PTPRQ: variants seen among roughly 807,000 people sequenced by gnomAD.
The protein encoded by PTPRQ is phosphatidylinositol phosphatase PTPRQ.
PTPRQ carries 199 observed loss-of-function variants against 246.0 expected under a neutral mutation model. That is an observed-to-expected ratio of 0.81 (90% CI 0.72 to 0.91). The LOEUF is 0.91. Among genes scored for constraint, PTPRQ ranks in the 40% least tolerant of loss-of-function variants. The pLI is 0.00. For missense variants in PTPRQ, 2,624 were observed against 2,528.4 expected (o/e 1.04, Z -0.81); for synonymous variants, 869 against 853.2 (o/e 1.02, Z -0.32).
At chr12:80,449,804 T>A (rs1445797790) in intron 3 of PTPRQ, among the ~76,000 whole-genome samples, 3 of 152,182 alleles carry the variant, frequency 2.0e-5, no homozygotes, top group Non-Finnish European at 4.4e-5. Flanking sequence ...TAAAGTCAGG[T>A]AGTGTGATGC....
At chr12:80,600,468 A>G (rs1443042318) in intron 26 of PTPRQ, among the ~76,000 whole-genome samples, 1 of 151,802 alleles carries the variant, frequency 6.6e-6, no homozygotes, top group Non-Finnish European at 1.5e-5. Flanking sequence ...AGACCCGAAG[A>G]AGCCATTATA....
intron 38 of PTPRQ, among the ~76,000 whole-genome samples, chr12:80,655,484 A>T (rs1037252679): frequency 6.6e-6 from 1 of 152,112 alleles, no homozygotes; most frequent in Non-Finnish European, 1.5e-5. Flanking sequence ...GAGATAACAA[A>T]CCCAAATCTC....
intron 27 of PTPRQ, 96 bp downstream of exon 27, chr12:80,605,276 TAGAC>T: frequency 7.0e-7 from 1 of 1,420,228 alleles, no homozygotes; most frequent in Non-Finnish European, 9.3e-7. Context: ...TTGGCTCTGT[TAGAC>T]AGTAGGAAAA....
intron 24 of PTPRQ, among the ~76,000 whole-genome samples, chr12:80,547,626 T>C (rs1171993784): frequency 1.3e-5 from 2 of 152,202 alleles, no homozygotes; most frequent in African/African-American, 4.8e-5. Context: ...AGTCATTTTC[T>C]GGATTTGAAT....
intron 3 of PTPRQ, among the ~76,000 whole-genome samples, chr12:80,448,621 G>A (rs1417471284): frequency 2.0e-5 from 3 of 149,936 alleles, no homozygotes; most frequent in Middle Eastern, 3.2e-3. Flanking sequence ...GAGAATATGC[G>A]GTACTTGGTT....
At chr12:80,656,460 G>C (rs1203854295) in intron 38 of PTPRQ, among the ~76,000 whole-genome samples, 1 of 151,950 alleles carries the variant, frequency 6.6e-6, no homozygotes, top group African/African-American at 2.4e-5. Context: ...ACCCAATCCT[G>C]TTTACCCATT....
At position 80,457,582 on chromosome 12, in the gene PTPRQ, C is replaced by G; in HGVS notation, c.398C>G (p.Ala133Gly). Residue 133 changes from alanine to glycine, a missense_variant, in exon 4 of 45, where the codon GCT becomes GGT. Transcript: ENST00000644991. ...PGTTYEIKVA[A>G]ENSAGIGVFS... Reference sequence around the variant, plus strand: ...CCTTTTGGTCTGTTCTAGGTTGCTGCTGAAAACAGTGCTGGCATTGGAGTG... The same window carrying G: ...CCTTTTGGTCTGTTCTAGGTTGCTGGTGAAAACAGTGCTGGCATTGGAGTG... 1 of 400,220 alleles carries G rather than the reference C, an allele frequency of 2.5e-6. No homozygotes were observed. The highest frequency in any genetic ancestry group is 4.4e-6 in the Non-Finnish European group (1 of 225,900). The allele number at this position is 400,220 out of a possible 1,614,324, so 24.8% of individuals were successfully genotyped here.
chr12:80,588,013 C>A, intron 25 of PTPRQ, 116 bp from the exon 26 acceptor site: 1 of 1,069,530 alleles, frequency 9.3e-7, no homozygotes. Context: ...AATCTAAGAG[C>A]TATAGTAATT....
At chr12:80,653,057 G>C (rs1390745826) in intron 38 of PTPRQ, among the ~76,000 whole-genome samples, 3 of 152,030 alleles carry the variant, frequency 2.0e-5, no homozygotes, top group Non-Finnish European at 4.4e-5. Context: ...ACTTATGCAG[G>C]TGCAAGAAAC....
intron 38 of PTPRQ, among the ~76,000 whole-genome samples, chr12:80,656,520 T>C (rs1380413294): frequency 1.3e-5 from 2 of 152,118 alleles, no homozygotes; most frequent in African/African-American, 4.8e-5. Context: ...GTAGTGGATA[T>C]TTCATGTTTA....
intron 19 of PTPRQ, among the ~76,000 whole-genome samples, chr12:80,538,179 C>T (rs1896046041): frequency 6.6e-6 from 1 of 152,144 alleles, no homozygotes; most frequent in Non-Finnish European, 1.5e-5. Flanking sequence ...TAAATACCTT[C>T]TGACTATATT....
At chr12:80,505,317 A>T (rs745960247) in intron 14 of PTPRQ, among the ~76,000 whole-genome samples, 16 of 151,840 alleles carry the variant, frequency 1.1e-4, no homozygotes, top group Non-Finnish European at 1.9e-4. Context: ...TCTTTTCAGC[A>T]CCACAACTTC....
chr12:80,627,268 A>G (rs1412873566), intron 33 of PTPRQ, among the ~76,000 whole-genome samples: 1 of 151,302 alleles, frequency 6.6e-6, no homozygotes, highest in Non-Finnish European at 1.5e-5. Context: ...GTGTTTGAAT[A>G]CCCTAGGTGA....
Position 80,534,991 on chromosome 12 carries a change from A to C in PTPRQ, c.2939A>C (p.Gln980Pro), listed in dbSNP as rs866847083. The C allele has an allele frequency of 1.7e-5, 26 of 1,545,212 alleles. No individual in the cohort carries two copies. In the African/African-American group the frequency reaches 3.3e-4, roughly 20 times the overall value. The change falls in exon 19 of 45, where the codon CAA becomes CCA. Residue 980 changes from glutamine (Q) to proline (P), a missense_variant. Coordinates refer to ENST00000644991, the MANE Select transcript of PTPRQ (RefSeq NM_001145026.2). ...CCTTCAAAACCTAATGGGATTATACAATATTACTCTGTTTATTACAGAAAT... is the reference window on the plus strand; with the variant it reads ...CCTTCAAAACCTAATGGGATTATACCATATTACTCTGTTTATTACAGAAAT... ...TPPSKPNGII[Q>P]YYSVYYRNTS...
At chr12:80,629,314 A>C (rs754790358) in intron 33 of PTPRQ, among the ~76,000 whole-genome samples, 3 of 152,140 alleles carry the variant, frequency 2.0e-5, no homozygotes, top group African/African-American at 7.2e-5. Context: ...ATACAGCCAC[A>C]CTGGGGATTA....
At chr12:80,466,421 G>T (rs1253266692) in intron 6 of PTPRQ, among the ~76,000 whole-genome samples, 7 of 152,096 alleles carry the variant, frequency 4.6e-5, no homozygotes, top group African/African-American at 1.7e-4. Context: ...CATGAAAATG[G>T]CCACACTGCC....
intron 26 of PTPRQ, among the ~76,000 whole-genome samples, chr12:80,592,545 GT>G (rs1459229406): frequency 1.3e-5 from 2 of 152,000 alleles, no homozygotes; most frequent in Admixed American, 6.6e-5. Context: ...AATTATAACA[GT>G]TAAGTAACGG....
chr12:80,637,438 A>G (rs1899697980), intron 35 of PTPRQ, among the ~76,000 whole-genome samples: 1 of 152,256 alleles, frequency 6.6e-6, no homozygotes. Context: ...TTTGTTACAC[A>G]CAGAGAATTA....
intron 8 of PTPRQ, among the ~76,000 whole-genome samples, chr12:80,477,936 G>A (rs550311577): frequency 3.8e-4 from 58 of 152,334 alleles, no homozygotes; most frequent in African/African-American, 1.3e-3. Context: ...ACTGCAAGGC[G>A]GCAGCGAAGC....
Sources: allele counts gnomAD v4.1 joint callset (sites outside exome capture counted in the v4.1 genomes callset), GRCh38; gene constraint gnomAD v4.1.1; transcripts MANE v1.5; gene names NCBI Gene and HGNC (gene_info 2026-07-23, HGNC 2026-07-21).